SCAI: variants seen among roughly 807,000 people sequenced by gnomAD.
SCAI encodes the protein suppressor of cancer cell invasion, also known as protein SCAI.
SCAI carries 24 observed loss-of-function variants against 92.2 expected under a neutral mutation model. The ratio of observed to expected loss-of-function variants is 0.26; its 90% CI spans 0.19 to 0.37. The LOEUF (loss-of-function observed/expected upper bound fraction) is 0.37. Among genes scored for constraint, SCAI ranks in the 10% least tolerant of loss-of-function variants. The pLI, the probability that SCAI is intolerant of heterozygous loss-of-function variation, is 1.00. For synonymous variants in SCAI, 261 were observed against 258.6 expected (o/e 1.01, Z -0.09); for missense variants, 450 against 736.2 (o/e 0.61, Z 4.50).
intron 3 of SCAI, among the ~76,000 whole-genome samples, chr9:125,041,209 A>G (rs1833312565): frequency 6.6e-6 from 1 of 152,226 alleles, no homozygotes; most frequent in Admixed American, 6.5e-5. Flanking sequence ...GATTACAGAA[A>G]TAGGTTAACT....
intron 15 of SCAI, among the ~76,000 whole-genome samples, chr9:124,973,655 T>C (rs1286549071): frequency 6.6e-6 from 1 of 151,712 alleles, no homozygotes; most frequent in African/African-American, 2.4e-5. Flanking sequence ...ACATTTTTAG[T>C]CTCTCATAAA....
intron 14 of SCAI, among the ~76,000 whole-genome samples, chr9:124,992,429 G>T (rs1832147268): frequency 1.3e-5 from 2 of 151,306 alleles, no homozygotes; most frequent in African/African-American, 4.9e-5. Flanking sequence ...TGTCACCCAG[G>T]CTGGAGTGCA....
chr9:125,040,280 C>G (rs1008335865), intron 3 of SCAI, among the ~76,000 whole-genome samples: 4 of 152,080 alleles, frequency 2.6e-5, no homozygotes, highest in African/African-American at 4.8e-5. Context: ...TTGCTTGAAC[C>G]CTGGAGGTCA....
intron 2 of SCAI, among the ~76,000 whole-genome samples, chr9:125,084,371 C>T (rs534411414): frequency 5.9e-5 from 9 of 151,926 alleles, no homozygotes; most frequent in African/African-American, 1.9e-4. Context: ...GGGGTTTCAC[C>T]GTGTTAGCCA....
At chr9:125,132,692 G>C (rs543856290) in intron 2 of SCAI, among the ~76,000 whole-genome samples, 1 of 152,298 alleles carries the variant, frequency 6.6e-6, no homozygotes, top group Non-Finnish European at 1.5e-5. Context: ...TTCTCAGGCT[G>C]GTGCGGTGGC....
At chr9:124,956,773 T>G (rs1410217529) in intron 17 of SCAI, among the ~76,000 whole-genome samples, 1 of 152,224 alleles carries the variant, frequency 6.6e-6, no homozygotes, top group East Asian at 1.9e-4. Flanking sequence ...ATGTCCATTT[T>G]CACTACTTTT....
chr9:124,970,335 G>T lies in SCAI; in HGVS notation c.1674+1035C>A, dbSNP rs139252226. Reference sequence around the variant, plus strand: ...AGGAATAACTGGAAAAAAGGAAGCTGCAGAATACATACAATATGGATTCAT... The same window carrying T: ...AGGAATAACTGGAAAAAAGGAAGCTTCAGAATACATACAATATGGATTCAT... On this transcript the variant is annotated intron_variant, in intron 17 of 17. Coordinates refer to ENST00000336505, the MANE Select transcript of SCAI (RefSeq NM_001144877.3). Among the ~76,000 whole-genome samples, 530 of 152,162 alleles carry T rather than the reference G, an allele frequency of 3.5e-3. 1 individual carries two copies. Among genetic ancestry groups the T allele is most frequent in the Non-Finnish European group, 5.5e-3 (377 of 68,004 alleles).
At chr9:124,979,486 G>A (rs958653815) in intron 14 of SCAI, among the ~76,000 whole-genome samples, 1 of 151,934 alleles carries the variant, frequency 6.6e-6, no homozygotes, top group African/African-American at 2.4e-5. Flanking sequence ...GTTGCAGTGA[G>A]CCAAGATCAT....
chr9:125,012,420 CAA>C (rs1832658549), intron 9 of SCAI, among the ~76,000 whole-genome samples: 1 of 152,100 alleles, frequency 6.6e-6, no homozygotes, highest in Non-Finnish European at 1.5e-5. Flanking sequence ...CAACAAAGAT[CAA>C]AAGAGATAAA....
In SCAI at chr9:125,055,971, T is replaced by C. The variant is rs374081839; in HGVS notation, c.135A>G (p.Gly45=). 1.6e-5 allele frequency: 25 copies of C among 1,610,060 alleles called. No individual in the cohort carries two copies. In the African/African-American group the frequency reaches 3.1e-4, roughly 20 times the overall value. The part of the protein sequence containing the change: ...EFALKEIMSS[G]GAEDDIPQGE... ...CCTGTGGGATATCATCTTCAGCACC[T>C]CCAGAGGACATGATTTCTTTAAGAG... The change falls in exon 3 of 18, where the codon GGA becomes GGG. Residue 45 remains glycine, a synonymous_variant. Coordinates refer to ENST00000336505, the MANE Select transcript of SCAI (RefSeq NM_001144877.3).
intron 2 of SCAI, among the ~76,000 whole-genome samples, chr9:125,116,442 AC>A (rs1411424102): frequency 4.6e-5 from 7 of 152,168 alleles, no homozygotes; most frequent in Admixed American, 4.6e-4. Flanking sequence ...ATACACACAA[AC>A]TTTTTTATTT....
chr9:125,106,413 G>A (rs974619352), intron 2 of SCAI, among the ~76,000 whole-genome samples: 2 of 151,268 alleles, frequency 1.3e-5, no homozygotes, highest in Middle Eastern at 3.2e-3. Context: ...TCTACTATAA[G>A]ACTTCTCTGT....
chr9:125,038,201 G>A (rs927525240), intron 3 of SCAI, among the ~76,000 whole-genome samples: 3 of 152,150 alleles, frequency 2.0e-5, no homozygotes, highest in African/African-American at 7.2e-5. Flanking sequence ...AAGCTGCAGT[G>A]AGCCAAGATT....
intron 2 of SCAI, among the ~76,000 whole-genome samples, chr9:125,141,857 G>A (rs1835673617): frequency 6.6e-6 from 1 of 152,102 alleles, no homozygotes; most frequent in Admixed American, 6.5e-5. Flanking sequence ...GGTTCTTTGA[G>A]GATTACAGGA....
Position 125,055,870 on chromosome 9 carries a change from A to C in SCAI, c.230+6T>G, listed in dbSNP as rs762903992. ...GAAAAGTTCAAAACACCAAGAGTCC[A>C]CTCACCTTAACCCATTGAACAGTTG... On this transcript the variant is annotated splice_donor_region_variant and intron_variant, in intron 3 of 17. Transcript: ENST00000336505. 73 of 1,590,620 alleles carry C rather than the reference A, an allele frequency of 4.6e-5. No homozygotes were observed. The highest frequency in any genetic ancestry group is 6.0e-5 in the Non-Finnish European group (70 of 1,172,594).
chr9:125,004,067 A>G (rs576134615), intron 9 of SCAI, among the ~76,000 whole-genome samples: 1 of 151,972 alleles, frequency 6.6e-6, no homozygotes, highest in Non-Finnish European at 1.5e-5. Context: ...TCCCAGCTAC[A>G]TAGGAGGCTG....
intron 17 of SCAI, among the ~76,000 whole-genome samples, chr9:124,961,115 C>T (rs1831426332): frequency 6.8e-6 from 1 of 147,282 alleles, no homozygotes; most frequent in African/African-American, 2.5e-5. Flanking sequence ...CAGACAGAGA[C>T]TCTGTCTCAA....
At chr9:125,087,463 T>C (rs940842966) in intron 2 of SCAI, among the ~76,000 whole-genome samples, 4 of 152,178 alleles carry the variant, frequency 2.6e-5, no homozygotes, top group East Asian at 3.8e-4. Flanking sequence ...GCCATTGCTA[T>C]AGCAAATATA....
intron 2 of SCAI, among the ~76,000 whole-genome samples, chr9:125,066,599 G>A (rs1381507262): frequency 6.6e-6 from 1 of 152,000 alleles, no homozygotes; most frequent in Non-Finnish European, 1.5e-5. Flanking sequence ...GGGACTACAG[G>A]TGCCTGCCAC....
Sources: allele counts gnomAD v4.1 joint callset (sites outside exome capture counted in the v4.1 genomes callset), GRCh38; gene constraint gnomAD v4.1.1; transcripts MANE v1.5; gene names NCBI Gene and HGNC (gene_info 2026-07-23, HGNC 2026-07-21).